The following PREP variants were observed in gnomAD, a reference collection of about 807,000 sequenced individuals.
The protein encoded by PREP is dJ355L5.1 (prolyl endopeptidase).
A neutral mutation model predicts 87.6 loss-of-function variants in PREP; 29 were observed. The observed-to-expected ratio is 0.33, with a 90% CI of 0.25 to 0.45. PREP has a LOEUF of 0.45. PREP is among the 20% of genes least tolerant of loss of function. The pLI, the probability that PREP is intolerant of heterozygous loss-of-function variation, is 1.00. For synonymous variants in PREP, 337 were observed against 328.6 expected, an observed-to-expected ratio of 1.03 and a Z score of -0.28; for missense variants, 695 against 886.5, an observed-to-expected ratio of 0.78 and a Z score of 2.74.
chr6:105,300,453 T>C (rs1770510082), intron 10 of PREP, among the ~76,000 whole-genome samples: 1 of 152,150 alleles, frequency 6.6e-6, no homozygotes, highest in East Asian at 1.9e-4. Context: ...ACAGACACAA[T>C]TCATTTCACA....
intron 5 of PREP, among the ~76,000 whole-genome samples, chr6:105,370,655 G>A (rs1399977905): frequency 1.3e-5 from 2 of 152,196 alleles, no homozygotes; most frequent in African/African-American, 4.8e-5. Flanking sequence ...TGGATACACT[G>A]TGGCACATTC....
chr6:105,374,359 A>G (rs1314522289), intron 4 of PREP, among the ~76,000 whole-genome samples: 2 of 151,904 alleles, frequency 1.3e-5, no homozygotes, highest in African/African-American at 4.8e-5. Flanking sequence ...CCTATTGGAG[A>G]CTCTGACACC....
At chr6:105,335,853 T>G (rs1170719042) in intron 7 of PREP, among the ~76,000 whole-genome samples, 1 of 151,702 alleles carries the variant, frequency 6.6e-6, no homozygotes. Context: ...AGATTGAGAT[T>G]GCACCACTGC....
In PREP at chr6:105,304,439, G is replaced by A. The variant is rs779912986; in HGVS notation, c.1318-15545C>T. Among the ~76,000 whole-genome samples, 12 of 152,144 alleles carry A rather than the reference G, an allele frequency of 7.9e-5. No individual in the cohort carries two copies. The East Asian group carries it at 1.2e-3, about 15-fold the overall frequency. ...GTAAGGAACCCAAGTCATACATCTCGTAAACTATGGAGTCAGAATTTGAAC... is the reference window on the plus strand; with the variant it reads ...GTAAGGAACCCAAGTCATACATCTCATAAACTATGGAGTCAGAATTTGAAC... On this transcript the variant is annotated intron_variant, in intron 10 of 14. Coordinates refer to ENST00000652536, the MANE Select transcript of PREP (RefSeq NM_002726.5).
chr6:105,398,408 A>G (rs1006051789), intron 1 of PREP, among the ~76,000 whole-genome samples: 1 of 152,218 alleles, frequency 6.6e-6, no homozygotes, highest in African/African-American at 2.4e-5. Context: ...TTTTATGTCT[A>G]AACTGCCAAA....
intron 8 of PREP, among the ~76,000 whole-genome samples, chr6:105,330,579 A>G (rs1771301577): frequency 6.6e-6 from 1 of 152,152 alleles, no homozygotes; most frequent in Non-Finnish European, 1.5e-5. Flanking sequence ...GGTCACCCAG[A>G]GGGAGAGACA....
intron 5 of PREP, among the ~76,000 whole-genome samples, chr6:105,370,302 CA>C (rs71549435): frequency 0.031 from 2,399 of 77,954 alleles, 55 homozygotes; most frequent in African/African-American, 0.091. Context: ...GACTCCATCT[CA>C]AAAAAAAAAA....
At chr6:105,285,368 C>T (rs1583035174) in intron 12 of PREP, 118 bp downstream of exon 12, 7 of 891,162 alleles carry the variant, frequency 7.9e-6, no homozygotes, top group Admixed American at 2.4e-5. Context: ...GTTTTTCATT[C>T]GTCTAGCCAA....
intron 10 of PREP, among the ~76,000 whole-genome samples, chr6:105,304,130 AAAT>A (rs566540367): frequency 2.4e-3 from 361 of 152,360 alleles, no homozygotes; most frequent in African/African-American, 8.1e-3. Flanking sequence ...ACCCAACAAA[AAAT>A]AATAATACAA....
chr6:105,399,303 T>G (rs1403800921), intron 1 of PREP, among the ~76,000 whole-genome samples: 1 of 152,180 alleles, frequency 6.6e-6, no homozygotes, highest in Non-Finnish European at 1.5e-5. Context: ...GGCTATTTCC[T>G]AAAGAAAACC....
intron 6 of PREP, 53 bp from the exon 7 acceptor site, chr6:105,353,130 A>G: frequency 7.1e-7 from 1 of 1,401,020 alleles, no homozygotes; most frequent in Non-Finnish European, 1.0e-6. Flanking sequence ...TATTTTTGTG[A>G]GAACATTATT....
intron 6 of PREP, 92 bp downstream of exon 6, chr6:105,368,811 C>A: frequency 7.0e-7 from 1 of 1,429,196 alleles, no homozygotes; most frequent in Non-Finnish European, 9.5e-7. Flanking sequence ...GGGACTTCTG[C>A]CATCCATAAA....
At chr6:105,304,574 T>C (rs1770614637) in intron 10 of PREP, among the ~76,000 whole-genome samples, 1 of 152,160 alleles carries the variant, frequency 6.6e-6, no homozygotes, top group South Asian at 2.1e-4. Flanking sequence ...TGGCACTGTA[T>C]TGTGCTCCCA....
At chr6:105,282,714 T>TA (rs1387534173) in intron 12 of PREP, 132 bp from the exon 13 acceptor site, 66 of 1,006,308 alleles carry the variant, frequency 6.6e-5, no homozygotes, top group East Asian at 8.0e-5. Context: ...ACACTGCATT[T>TA]AAAAAAAAGC....
At chr6:105,342,641 G>C (rs776032702) in intron 7 of PREP, among the ~76,000 whole-genome samples, 1 of 152,126 alleles carries the variant, frequency 6.6e-6, no homozygotes. Flanking sequence ...ACCCCACTGT[G>C]TCAGCCCAAA....
chr6:105,297,450 G>A (rs1227316637), intron 10 of PREP, among the ~76,000 whole-genome samples: 2 of 152,182 alleles, frequency 1.3e-5, no homozygotes, highest in Non-Finnish European at 2.9e-5. Context: ...TGCACGTGTT[G>A]TTTCTTTACT....
At chr6:105,374,632 TTATATATATA>T (rs61452752) in intron 4 of PREP, among the ~76,000 whole-genome samples, 18 of 91,832 alleles carry the variant, frequency 2.0e-4, no homozygotes, top group Non-Finnish European at 3.2e-4. Flanking sequence ...TTTGAATTGT[TTATATATATA>T]TATATATATA....
rs377284037 is a variant in PREP at position 105,273,917 on chromosome 6, G to A, written c.*4227C>T. The stretch of plus-strand genomic sequence containing the variant: ...TGCCCATTGTTTGTCCCCTCATTCC[G>A]TTCGGGTCTTTGTCCGAATGTTGCT... On this transcript the variant is annotated 3_prime_UTR_variant, in exon 15 of 15. Transcript: ENST00000652536. Among the ~76,000 whole-genome samples the A allele has an allele frequency of 2.0e-5, 3 of 152,108 alleles. No homozygotes were observed. Among genetic ancestry groups the A allele is most frequent in the South Asian group, 2.1e-4 (1 of 4,820 alleles).
intron 6 of PREP, among the ~76,000 whole-genome samples, chr6:105,355,855 A>G (rs192563583): frequency 1.3e-5 from 2 of 152,316 alleles, no homozygotes; most frequent in Admixed American, 1.3e-4. Flanking sequence ...CTAAACTGCT[A>G]TAAACAGATA....
Sources: gnomAD v4.1 joint callset for allele counts (sites outside exome capture counted in the v4.1 genomes callset) on GRCh38, gnomAD v4.1.1 for gene constraint, MANE v1.5 for transcripts, NCBI Gene and HGNC (gene_info 2026-07-23, HGNC 2026-07-21) for gene names.